CNKSR3: variants seen among roughly 807,000 people sequenced by gnomAD.
The protein encoded by CNKSR3 is connector enhancer of kinase suppressor of ras 3.
CNKSR3 carries 36 observed loss-of-function variants against 67.7 expected under a neutral mutation model. That is an observed-to-expected ratio of 0.53 (90% confidence interval 0.41 to 0.70). The LOEUF (loss-of-function observed/expected upper bound fraction) is 0.70, where lower values mean the gene tolerates loss of function less well. CNKSR3 is among the 30% of genes least tolerant of loss of function. The pLI is 0.00. For missense variants in CNKSR3, 630 were observed against 695.2 expected (o/e 0.91, Z 1.05); for synonymous variants, 281 against 271.4 (o/e 1.04, Z -0.35).
Position 154,406,601 on chromosome 6 carries a change from A to G in CNKSR3, c.1421T>C (p.Ile474Thr), listed in dbSNP as rs1288337898. 3 of 1,614,200 alleles carry G rather than the reference A, an allele frequency of 1.9e-6. No homozygotes were observed. Among genetic ancestry groups the G allele is most frequent in the Non-Finnish European group, 2.5e-6 (3 of 1,180,036 alleles). The change falls in exon 13 of 13, where the codon ATT (isoleucine) becomes ACT (threonine). Residue 474 changes from isoleucine (I) to threonine (T), a missense_variant. By Grantham distance (89) the Ile-to-Thr change is moderately conservative (BLOSUM62 -1). Around this residue, in one of 3 missense-constraint regions of CNKSR3, gnomAD observed 308 missense variants for 299.6 expected, o/e 1.03. Coordinates refer to ENST00000607772, the MANE Select transcript of CNKSR3 (RefSeq NM_173515.4). ...GTATGGGGGAGAGGAGCTCTCTTCAATGATCGGAGGAATCCGCTCGTTACT... is the reference window on the plus strand; with the variant it reads ...GTATGGGGGAGAGGAGCTCTCTTCAGTGATCGGAGGAATCCGCTCGTTACT... ...YFSNERIPPI[I>T]EESSSPPYRF...
At chr6:154,414,817 G>C in intron 9 of CNKSR3, 1 of 478,670 alleles carries the variant, frequency 2.1e-6, no homozygotes, top group South Asian at 1.5e-5. Flanking sequence ...GCAAGGCTGG[G>C]CACGGCGGTT....
intron 1 of CNKSR3, among the ~76,000 whole-genome samples, chr6:154,491,634 A>C (rs1220260425): frequency 1.3e-5 from 2 of 152,170 alleles, no homozygotes; most frequent in Non-Finnish European, 2.9e-5. Flanking sequence ...TCAGAGAGAG[A>C]GCTATTTACT....
chr6:154,474,760 G>C (rs1786408477), intron 1 of CNKSR3, among the ~76,000 whole-genome samples: 1 of 152,150 alleles, frequency 6.6e-6, no homozygotes, highest in Non-Finnish European at 1.5e-5. Flanking sequence ...GCAAAAACTA[G>C]CCAAAGAGGG....
chr6:154,483,563 C>A (rs1158229510), intron 1 of CNKSR3, among the ~76,000 whole-genome samples: 2 of 151,812 alleles, frequency 1.3e-5, no homozygotes, highest in African/African-American at 4.8e-5. Flanking sequence ...AAAAAAAAAA[C>A]GAAACAAAAC....
At chr6:154,438,580 G>A (rs752299284) in intron 4 of CNKSR3, among the ~76,000 whole-genome samples, 14 of 152,058 alleles carry the variant, frequency 9.2e-5, no homozygotes, top group South Asian at 6.2e-4. Flanking sequence ...TAAGTGACTC[G>A]TCCAAGGCCC....
intron 1 of CNKSR3, among the ~76,000 whole-genome samples, chr6:154,457,057 T>A (rs1366707504): frequency 5.9e-5 from 9 of 152,172 alleles, no homozygotes; most frequent in Non-Finnish European, 1.2e-4. Flanking sequence ...TCAAAGCTCC[T>A]TAGCCTTCCC....
chr6:154,406,127 C>T lies in CNKSR3; in HGVS notation c.*227G>A, dbSNP rs1398083584. On this transcript the variant is annotated 3_prime_UTR_variant, in exon 13 of 13. Transcript: ENST00000607772. ...GGGGAAGCAAGACAAACAGGCTCTA[C>T]CCATTTCCCTCCTTTTGTCTCCACA... The T allele has an allele frequency of 1.1e-5, 6 of 546,964 alleles. No homozygotes were observed. Among genetic ancestry groups the T allele is most frequent in the Middle Eastern group, 4.9e-4 (1 of 2,038 alleles). The allele number at this position is 546,964 out of a possible 1,614,324, so 33.9% of individuals were successfully genotyped here.
At position 154,497,481 on chromosome 6, in the gene CNKSR3, C is replaced by T. The variant is rs113898004; in HGVS notation, c.52+12582G>A. Among the ~76,000 whole-genome samples the T allele has an allele frequency of 5.9e-3, 905 of 152,268 alleles. 12 individuals carry two copies. Among genetic ancestry groups the T allele is most frequent in the African/African-American group, 0.019 (801 of 41,532 alleles). On this transcript the variant is annotated intron_variant, in intron 1 of 12. Transcript: ENST00000607772. ...CTACTAAATTGCCAGCTTCCGGACA[C>T]GGATTTCATTTACACCTAACTCACC... is the stretch of plus-strand genomic sequence containing the variant.
chr6:154,412,417 T>G (rs939785313), intron 10 of CNKSR3, among the ~76,000 whole-genome samples: 2 of 152,190 alleles, frequency 1.3e-5, no homozygotes, highest in African/African-American at 2.4e-5. Flanking sequence ...TCTCTCACTA[T>G]GTACACAGCA....
At chr6:154,422,453 CTAA>C in intron 9 of CNKSR3, 50 bp downstream of exon 9, 3 of 1,544,316 alleles carry the variant, frequency 1.9e-6, no homozygotes, top group Non-Finnish European at 2.7e-6. Context: ...TGTTTGGAGA[CTAA>C]TGAGATACTC....
chr6:154,472,407 G>A (rs1387907450), intron 1 of CNKSR3, among the ~76,000 whole-genome samples: 1 of 152,170 alleles, frequency 6.6e-6, no homozygotes, highest in Non-Finnish European at 1.5e-5. Context: ...GTACTCCACT[G>A]CCTCTGTACC....
chr6:154,456,950 G>A (rs966110595), intron 1 of CNKSR3, among the ~76,000 whole-genome samples: 3 of 152,012 alleles, frequency 2.0e-5, no homozygotes, highest in Non-Finnish European at 4.4e-5. Flanking sequence ...TGAACCAGAG[G>A]GACGGAAACA....
At position 154,390,848 on chromosome 6, in the gene CNKSR3, T is replaced by C. The variant is rs1305413213; in HGVS notation, c.*15506A>G. On this transcript the variant is annotated 3_prime_UTR_variant, in exon 13 of 13. Coordinates refer to ENST00000607772, the MANE Select transcript of CNKSR3 (RefSeq NM_173515.4). ...TGGAGTCTCACTCTGTTGCCCAGGC[T>C]GGAGTGCAGTGGCTCCATCTCGGCT... The C allele has an allele frequency of 7.1e-6, 1 of 140,830 alleles. No individual in the cohort carries two copies. The highest frequency in any genetic ancestry group is 2.7e-5 in the African/African-American group (1 of 37,124). 8.7% of individuals were successfully genotyped at this position (140,830 alleles called of 1,614,324 possible). A position where few individuals can be genotyped will look rare whatever the true frequency, so the allele number is the denominator to read the frequency against.
At position 154,402,845 on chromosome 6, in the gene CNKSR3, T is replaced by C. The variant is rs1053822892; in HGVS notation, c.*3509A>G. The C allele has an allele frequency of 2.0e-5, 3 of 152,230 alleles. No homozygotes were observed. In the East Asian group the frequency reaches 5.8e-4, roughly 29 times the overall value. The allele number at this position is 152,230 out of a possible 1,614,324, so 9.4% of individuals were successfully genotyped here. A position where few individuals can be genotyped will look rare whatever the true frequency, so the allele number is the denominator to read the frequency against. ...TTCATGGTGATTTTTCACATATTTA[T>C]ATTTATACACACACATACAAAGTAT... On this transcript the variant is annotated 3_prime_UTR_variant, in exon 13 of 13. Coordinates refer to ENST00000607772, the MANE Select transcript of CNKSR3 (RefSeq NM_173515.4).
intron 4 of CNKSR3, among the ~76,000 whole-genome samples, chr6:154,434,739 G>A (rs1292809116): frequency 6.6e-6 from 1 of 152,166 alleles, no homozygotes; most frequent in East Asian, 1.9e-4. Context: ...TTACATGTGT[G>A]AATTTGATAT....
At chr6:154,483,809 A>G (rs143358076) in intron 1 of CNKSR3, among the ~76,000 whole-genome samples, 163 of 152,222 alleles carry the variant, frequency 1.1e-3, no homozygotes, top group African/African-American at 3.7e-3. Flanking sequence ...GTAATAAATA[A>G]TGCTGACATT....
chr6:154,500,615 G>A (rs1045532643), intron 1 of CNKSR3, among the ~76,000 whole-genome samples: 1 of 152,102 alleles, frequency 6.6e-6, no homozygotes, highest in African/African-American at 2.4e-5. Context: ...AAACTGCCCA[G>A]CTCTTGTTGA....
At position 154,395,579 on chromosome 6, in the gene CNKSR3, C is replaced by T. The variant is rs555519214; in HGVS notation, c.*10775G>A. The T allele has an allele frequency of 1.3e-5, 2 of 152,290 alleles. No homozygotes were observed. Among genetic ancestry groups the T allele is most frequent in the Admixed American group, 6.5e-5 (1 of 15,304 alleles). 9.4% of individuals were successfully genotyped at this position (152,290 alleles called of 1,614,324 possible). On this transcript the variant is annotated 3_prime_UTR_variant, in exon 13 of 13. Coordinates refer to ENST00000607772, the MANE Select transcript of CNKSR3 (RefSeq NM_173515.4). ...ATGTAGCAATATGCAAAGGACATTACTTGAAAACTCAACTTTCTTGTTCTC... is the reference window on the plus strand; with the variant it reads ...ATGTAGCAATATGCAAAGGACATTATTTGAAAACTCAACTTTCTTGTTCTC...
At chr6:154,490,785 A>G (rs1168236580) in intron 1 of CNKSR3, among the ~76,000 whole-genome samples, 1 of 152,146 alleles carries the variant, frequency 6.6e-6, no homozygotes, top group African/African-American at 2.4e-5. Context: ...TCTGCCAAGA[A>G]CATTCTCCTG....
Sources: allele counts gnomAD v4.1 joint callset (sites outside exome capture counted in the v4.1 genomes callset), GRCh38; gene constraint gnomAD v4.1.1; regional missense constraint gnomAD v4.1.1; transcripts MANE v1.5; gene names NCBI Gene and HGNC (gene_info 2026-07-23, HGNC 2026-07-21).